TUB: variants seen among roughly 807,000 people sequenced by gnomAD.
TUB encodes TUB bipartite transcription factor, also known as tubby protein homolog.
TUB carries 33 observed loss-of-function variants against 59.7 expected under a neutral mutation model. The ratio of observed to expected loss-of-function variants is 0.55; its 90% confidence interval spans 0.42 to 0.74. The LOEUF (loss-of-function observed/expected upper bound fraction) is 0.74, where lower values mean the gene tolerates loss of function less well. Ranked by LOEUF, TUB falls within the 30% of genes least tolerant of loss-of-function variation. The pLI, the probability that TUB is intolerant of heterozygous loss-of-function variation, is 0.00. For synonymous variants in TUB, 293 were observed against 256.4 expected (o/e 1.14, Z -1.36); for missense variants, 659 against 672.0 (o/e 0.98, Z 0.21).
At chr11:8,031,356 A>C (rs970697146) in intron 1 of TUB, among the ~76,000 whole-genome samples, 3 of 151,908 alleles carry the variant, frequency 2.0e-5, no homozygotes, top group African/African-American at 7.3e-5. Flanking sequence ...GCCTGCTTTC[A>C]CAGGCACCTT....
In TUB at chr11:8,040,926, G is replaced by T. The variant is rs1001745435; in HGVS notation, c.203+1234G>T. On this transcript the variant is annotated intron_variant, in intron 2 of 12. Coordinates refer to the TUB transcript ENST00000305253. The stretch of plus-strand genomic sequence containing the variant: ...ACCCCTTGTGTAACAGGCAAAACAG[G>T]CCTCAGGTTCTGAACCAAGGTCACA... Among the ~76,000 whole-genome samples, 3 of 152,286 alleles carry T rather than the reference G, an allele frequency of 2.0e-5. No homozygotes were observed. In the East Asian group the frequency reaches 5.8e-4, roughly 29 times the overall value.
intron 4 of TUB, among the ~76,000 whole-genome samples, chr11:8,095,162 T>A (rs1210023404): frequency 6.6e-6 from 1 of 152,248 alleles, no homozygotes; most frequent in Non-Finnish European, 1.5e-5. Context: ...TGGCCTTGCC[T>A]ATGGTCTGGA....
intron 2 of TUB, among the ~76,000 whole-genome samples, chr11:8,043,179 T>C (rs1011055027): frequency 6.6e-6 from 1 of 152,194 alleles, no homozygotes; most frequent in Non-Finnish European, 1.5e-5. Context: ...CACCATTTGG[T>C]GAAAAAACCA....
Position 8,101,836 on chromosome 11 carries a change from A to ATTT in TUB, c.*218_*219insTTT. Reference sequence around the variant, plus strand: ...AGAGCGGGTGGGTGGGTGTGAAGGGATGAGAATAATTCTTTCCATGCCACG... The same window carrying ATTT: ...AGAGCGGGTGGGTGGGTGTGAAGGGATTTTGAGAATAATTCTTTCCATGCCACG... On this transcript the variant is annotated 3_prime_UTR_variant, in exon 12 of 12. Transcript: ENST00000299506. 1 of 690,022 alleles carries ATTT rather than the reference A, an allele frequency of 1.4e-6. No homozygotes were observed. Among genetic ancestry groups the ATTT allele is most frequent in the Non-Finnish European group, 2.3e-6 (1 of 431,012 alleles). The allele number at this position is 690,022 out of a possible 1,614,324, so 42.7% of individuals were successfully genotyped here.
At chr11:8,099,236 G>C (rs941590111) in intron 9 of TUB, among the ~76,000 whole-genome samples, 8 of 152,120 alleles carry the variant, frequency 5.3e-5, no homozygotes, top group Admixed American at 5.2e-4. Flanking sequence ...ACGGCACTTT[G>C]TCATCTCACT....
chr11:8,094,723 A>G lies in TUB; in HGVS notation c.397+534A>G, dbSNP rs371905793. Among the ~76,000 whole-genome samples the G allele has an allele frequency of 2.6e-5, 4 of 152,354 alleles. No individual in the cohort carries two copies. In the South Asian group the frequency reaches 8.3e-4, roughly 32 times the overall value. ...GAAAAGACCCCTAAAGATTAAGGAC[A>G]GTGATTGGCGGTACCTGCCCCAGGT... On this transcript the variant is annotated intron_variant, in intron 4 of 11. Transcript: ENST00000299506.
chr11:8,075,742 A>T (rs1943438130), intron 2 of TUB: 2 of 152,052 alleles, frequency 1.3e-5, no homozygotes, highest in East Asian at 3.9e-4. Flanking sequence ...TTGAAACGTC[A>T]GAGTTACACC....
chr11:8,097,680 G>A (rs1484983711), intron 7 of TUB, 34 bp from the exon 8 acceptor site: 6 of 1,574,108 alleles, frequency 3.8e-6, no homozygotes, highest in Non-Finnish European at 5.2e-6. Flanking sequence ...ACCAGAGGCT[G>A]AGTCTGGAAT....
chr11:8,024,074 A>T (rs1022996390), intron 1 of TUB, among the ~76,000 whole-genome samples: 7 of 152,188 alleles, frequency 4.6e-5, no homozygotes, highest in Admixed American at 4.6e-4. Flanking sequence ...CATGTTCCTT[A>T]TACATTACTC....
intron 3 of TUB, among the ~76,000 whole-genome samples, chr11:8,090,770 C>T (rs1056225027): frequency 3.3e-5 from 5 of 152,096 alleles, no homozygotes; most frequent in Non-Finnish European, 7.4e-5. Flanking sequence ...TTCCAGGTCT[C>T]GGCAGAGCCC....
At chr11:8,061,199 T>A (rs1403641493) in intron 2 of TUB, among the ~76,000 whole-genome samples, 1 of 152,248 alleles carries the variant, frequency 6.6e-6, no homozygotes, top group Non-Finnish European at 1.5e-5. Flanking sequence ...TCCTCCTTCC[T>A]TGGGCCTGGC....
intron 2 of TUB, among the ~76,000 whole-genome samples, chr11:8,062,577 G>A (rs747938121): frequency 6.6e-5 from 10 of 151,900 alleles, no homozygotes; most frequent in Non-Finnish European, 8.8e-5. Context: ...ATGGCTGCTG[G>A]CTCATGATAA....
upstream of TUB, among the ~76,000 whole-genome samples, chr11:8,080,128 C>T (rs575747948): frequency 6.6e-5 from 10 of 152,298 alleles, no homozygotes; most frequent in African/African-American, 2.4e-4. Context: ...TGGCTGTTCT[C>T]ACACTCTCTG....
At chr11:8,044,517 C>T (rs919244786) in intron 2 of TUB, among the ~76,000 whole-genome samples, 1 of 152,200 alleles carries the variant, frequency 6.6e-6, no homozygotes, top group African/African-American at 2.4e-5. Flanking sequence ...TGTCTTCCTA[C>T]TTGTACTGTT....
chr11:8,032,497 A>C lies in TUB; in HGVS notation c.56+13139A>C, dbSNP rs553401605. Among the ~76,000 whole-genome samples, 44 of 152,336 alleles carry C rather than the reference A, an allele frequency of 2.9e-4. No individual in the cohort carries two copies. The South Asian group carries it at 8.9e-3, about 31-fold the overall frequency. On this transcript the variant is annotated intron_variant, in intron 1 of 11. Coordinates refer to the TUB transcript ENST00000534099. ...AAAAACTGTTTATTGGAAAACAGAC[A>C]CATCTATCGGCTTAAATGTTGTCTA...
At chr11:8,079,850 T>TTC (rs1279814262), upstream of TUB, among the ~76,000 whole-genome samples, 5 of 152,138 alleles carry the variant, frequency 3.3e-5, no homozygotes, top group African/African-American at 1.2e-4. Context: ...GATCCTTGCC[T>TTC]TCTCTGTGAC....
chr11:8,084,761 C>G (rs1372488021), intron 1 of TUB, among the ~76,000 whole-genome samples: 2 of 152,218 alleles, frequency 1.3e-5, no homozygotes, highest in African/African-American at 2.4e-5. Flanking sequence ...AGCCCCACAC[C>G]TGGGTTCTAA....
At chr11:8,100,426 T>C in intron 9 of TUB, 77 bp from the exon 10 acceptor site, 1 of 1,161,898 alleles carries the variant, frequency 8.6e-7, no homozygotes, top group Admixed American at 1.9e-5. Flanking sequence ...GCTCTTCCTC[T>C]TTATTCCCGT....
chr11:8,022,154 G>C (rs967663519), intron 1 of TUB, among the ~76,000 whole-genome samples: 6 of 152,200 alleles, frequency 3.9e-5, no homozygotes, highest in Non-Finnish European at 7.4e-5. Flanking sequence ...TGCTGCAGCT[G>C]GTTTGTCTAC....
Sources: gnomAD v4.1 joint callset for allele counts (sites outside exome capture counted in the v4.1 genomes callset) on GRCh38, gnomAD v4.1.1 for gene constraint, MANE v1.5 for transcripts, NCBI Gene and HGNC (gene_info 2026-07-23, HGNC 2026-07-21) for gene names.